ACBD4: variants seen among roughly 807,000 people sequenced by gnomAD.
ACBD4 encodes acyl-CoA-binding domain-containing protein 4.
ACBD4 carries 41 observed loss-of-function variants against 46.0 expected under a neutral mutation model. The observed-to-expected ratio is 0.89, with a 90% CI of 0.69 to 1.16. The LOEUF is 1.16. Among genes scored for constraint, ACBD4 ranks in the 50% most tolerant of loss-of-function variants. ACBD4 has a pLI of 0.00. For missense variants in ACBD4, 393 were observed against 399.5 expected (o/e 0.98, Z 0.14); for synonymous variants, 162 against 155.9 (o/e 1.04, Z -0.29).
At chr17:45,138,374 T>C in intron 8 of ACBD4, 2 of 310,152 alleles carry the variant, frequency 6.4e-6, no homozygotes, top group Non-Finnish European at 1.2e-5. Context: ...AGAACTCCTG[T>C]TGTGTGTCAG....
At chr17:45,137,545 A>G in intron 6 of ACBD4, 91 bp downstream of exon 6, 2 of 1,465,686 alleles carry the variant, frequency 1.4e-6, no homozygotes, top group Non-Finnish European at 9.5e-7. Context: ...CCCTCCACAG[A>G]CACTGAGACT....
chr17:45,137,284 C>T (rs984840220), intron 5 of ACBD4, 84 bp from the exon 6 acceptor site: 148 of 1,597,360 alleles, frequency 9.3e-5, no homozygotes, highest in East Asian at 2.2e-4. Context: ...GCAGCATCCA[C>T]GGCTCATCAC....
rs1337097622 is a variant in ACBD4, at chr17:45,143,347, G to A, written c.790-96G>A. 1.5e-5 allele frequency: 16 copies of A among 1,092,796 alleles called. No individual in the cohort carries two copies. In the East Asian group the frequency reaches 1.6e-4, roughly 11 times the overall value. 67.7% of individuals were successfully genotyped at this position (1,092,796 alleles called of 1,614,324 possible). On this transcript the variant is annotated intron_variant, in intron 9 of 9. Coordinates refer to ENST00000321854, the MANE Select transcript of ACBD4 (RefSeq NM_001135705.3). ...TTCTAGTGGTGCAGACTTAGGGGCA[G>A]GGTCTTTCCAATCTTCCACTGAATT...
upstream of ACBD4, among the ~76,000 whole-genome samples, chr17:45,134,742 A>G (rs1196386179): frequency 6.6e-6 from 1 of 152,036 alleles, no homozygotes; most frequent in Non-Finnish European, 1.5e-5. Context: ...ACGCCACTGC[A>G]CTCCAGCCCG....
chr17:45,143,449 C>G lies in ACBD4; in HGVS notation c.796C>G (p.Gln266Glu). The change falls in exon 10 of 10, where the codon CAG becomes GAG. Residue 266 changes from glutamine (Q) to glutamate (E), a missense_variant. Physicochemically the swap from Gln to Glu is conservative, Grantham distance 29 (BLOSUM62 2). Transcript: ENST00000321854. ...CCCTCCCTCTTGGCTGCAGAGGCCG[C>G]AGCCCAGGCCCAGTGCTCGGCCATG... ...SMPRPPEQRP[Q>E]PRPSARPWPL... The G allele has an allele frequency of 6.2e-7, 1 of 1,608,520 alleles. No homozygotes were observed. The highest frequency in any genetic ancestry group is 1.3e-5 in the African/African-American group (1 of 74,952).
chr17:45,136,850 C>T (rs1039665598), intron 4 of ACBD4, 74 bp downstream of exon 4: 45 of 1,594,252 alleles, frequency 2.8e-5, no homozygotes, highest in East Asian at 6.7e-5. Context: ...ACCCCCACTA[C>T]GTTTCCTACA....
At chr17:45,134,910 C>T (rs768015192), upstream of ACBD4, among the ~76,000 whole-genome samples, 9 of 152,062 alleles carry the variant, frequency 5.9e-5, no homozygotes, top group African/African-American at 1.4e-4. Context: ...CATTTCCCCC[C>T]CTCCCCAGTA....
intron 6 of ACBD4, 37 bp downstream of exon 6, chr17:45,137,491 G>A: frequency 1.2e-6 from 2 of 1,608,430 alleles, no homozygotes; most frequent in African/African-American, 1.3e-5. Context: ...CCAAACTCAG[G>A]CTGGGGGAGG....
Position 45,136,232 on chromosome 17 carries a change from G to A in ACBD4, c.88G>A (p.Gly30Ser), listed in dbSNP as rs530539203. ...CGTCATCCAGAACCTGCCCAAGAACGGTGAGGCTGCGGGGACTCGCATTTG... is the reference window on the plus strand; with the variant it reads ...CGTCATCCAGAACCTGCCCAAGAACAGTGAGGCTGCGGGGACTCGCATTTG... ...VSVIQNLPKN[G>S]SYRPSYEEML... The change falls in exon 2 of 10, where the codon GGT (glycine) becomes AGT (serine). Residue 30 changes from glycine (G) to serine (S), a missense_variant and splice_region_variant. Transcript: ENST00000321854. 4 of 1,612,946 alleles carry A rather than the reference G, an allele frequency of 2.5e-6. No homozygotes were observed. Among genetic ancestry groups the A allele is most frequent in the African/African-American group, 1.3e-5 (1 of 75,022 alleles).
In ACBD4 at chr17:45,143,484, G is replaced by T; in HGVS notation, c.831G>T (p.Gly277=). The change falls in exon 10 of 10, where the codon GGG becomes GGT. Residue 277 remains glycine, a synonymous_variant. Transcript: ENST00000321854. ...CCAGTGCTCGGCCATGGCCCCTTGG[G>T]CTCCCGGGGCCCGCGCTGCTCTTCT... The part of the protein sequence containing the change: ...PRPSARPWPL[G]LPGPALLFFL... The T allele has an allele frequency of 6.2e-7, 1 of 1,613,330 alleles. No individual in the cohort carries two copies. The highest frequency in any genetic ancestry group is 8.5e-7 in the Non-Finnish European group (1 of 1,179,948).
chr17:45,141,269 C>T (rs757597020), intron 9 of ACBD4, among the ~76,000 whole-genome samples: 4 of 152,176 alleles, frequency 2.6e-5, no homozygotes, highest in Non-Finnish European at 5.9e-5. Flanking sequence ...GACTTGCTGA[C>T]CAGTCTGGGC....
chr17:45,138,586 T>G, intron 8 of ACBD4: 1 of 190,476 alleles, frequency 5.3e-6, no homozygotes. Flanking sequence ...AGGTCAGGAG[T>G]TTGAGACCAG....
upstream of ACBD4, chr17:45,132,470 C>T: frequency 9.3e-7 from 1 of 1,077,754 alleles, no homozygotes; most frequent in Non-Finnish European, 1.2e-6. The surrounding 1 kb of genome is among the most constrained non-coding windows in gnomAD (Gnocchi z 4.6). Context: ...GGCAGCGGGG[C>T]GCCGCTCTGG....
intron 9 of ACBD4, among the ~76,000 whole-genome samples, chr17:45,143,159 A>T (rs1456300795): frequency 6.6e-6 from 1 of 152,210 alleles, no homozygotes; most frequent in African/African-American, 2.4e-5. Context: ...TCTTCAGGTC[A>T]TACCAAGGGT....
At chr17:45,136,409 C>T (rs1466954384) in intron 2 of ACBD4, 91 bp from the exon 3 acceptor site, 68 of 1,495,082 alleles carry the variant, frequency 4.5e-5, no homozygotes, top group Non-Finnish European at 6.0e-5. Context: ...CCCATCACCA[C>T]CTCTGCCCTT....
At chr17:45,141,387 G>A (rs1008027807) in intron 9 of ACBD4, among the ~76,000 whole-genome samples, 1 of 152,044 alleles carries the variant, frequency 6.6e-6, no homozygotes, top group African/African-American at 2.4e-5. Context: ...CACTTGATTA[G>A]AGTCACATTA....
At chr17:45,132,273 G>C (rs753795826), upstream of ACBD4, 1 of 1,274,788 alleles carries the variant, frequency 7.8e-7, no homozygotes. The surrounding 1 kb of genome is among the most constrained non-coding windows in gnomAD (Gnocchi z 4.6). Context: ...CCCGCAGCCC[G>C]GGCCTCTTGG....
chr17:45,137,955 C>T lies in ACBD4; in HGVS notation c.616C>T (p.Pro206Ser), dbSNP rs375328317. The T allele has an allele frequency of 1.9e-6, 3 of 1,613,920 alleles. No individual in the cohort carries two copies. Among genetic ancestry groups the T allele is most frequent in the Non-Finnish European group, 2.5e-6 (3 of 1,180,000 alleles). ...QRAASGGKRDPRNSPVPPTKK... is the reference protein window; with the variant it reads ...QRAASGGKRDSRNSPVPPTKK... ...GGCAGCATCTGGAGGAAAGCGTGAT[C>T]CCAGGAACAGCCCCGTGCCCCCCAC... The change falls in exon 8 of 10, where the codon CCC becomes TCC. Residue 206 changes from proline (P) to serine (S), a missense_variant. Physicochemically the swap from Pro to Ser is moderately conservative, Grantham distance 74. Around this residue, in one of 3 missense-constraint regions of ACBD4, gnomAD observed 308 missense variants for 301.8 expected, o/e 1.02. Coordinates refer to ENST00000321854, the MANE Select transcript of ACBD4 (RefSeq NM_001135705.3).
At chr17:45,134,645 C>G (rs374459402), upstream of ACBD4, among the ~76,000 whole-genome samples, 1 of 151,854 alleles carries the variant, frequency 6.6e-6, no homozygotes, top group South Asian at 2.1e-4. Context: ...GGCGTGGTGG[C>G]GAGCGCCTGT....
Sources: gnomAD v4.1 joint callset for allele counts (sites outside exome capture counted in the v4.1 genomes callset) on GRCh38, gnomAD v4.1.1 for gene constraint, gnomAD v4.1.1 regional missense constraint, Gnocchi (gnomAD v3.1) non-coding constraint, MANE v1.5 for transcripts, NCBI Gene and HGNC (gene_info 2026-07-23, HGNC 2026-07-21) for gene names.